HECTD3: variants seen among roughly 807,000 people sequenced by gnomAD.
HECTD3 encodes the protein HECT domain E3 ubiquitin protein ligase 3.
Under a neutral mutation model 109.3 loss-of-function variants are expected in HECTD3, and 72 were observed. The ratio of observed to expected loss-of-function variants is 0.66; its 90% CI spans 0.54 to 0.80. HECTD3 has a LOEUF of 0.80. HECTD3 is among the 30% of genes least tolerant of loss of function. The pLI is 0.00. For synonymous variants in HECTD3, 481 were observed against 471.8 expected, an observed-to-expected ratio of 1.02 and a Z score of -0.25; for missense variants, 1,041 against 1,165.2, an observed-to-expected ratio of 0.89 and a Z score of 1.55.
rs2148975477 is a variant in HECTD3, at chr1:45,003,452, A to G, written c.*40T>C. 6.3e-7 allele frequency: 1 copy of G among 1,577,354 alleles called. No homozygotes were observed. Among genetic ancestry groups the G allele is most frequent in the East Asian group, 2.2e-5 (1 of 44,668 alleles). On this transcript the variant is annotated 3_prime_UTR_variant, in exon 21 of 21. Coordinates refer to ENST00000372172, the MANE Select transcript of HECTD3 (RefSeq NM_024602.6). This position sits in a 1 kb window ranked among gnomAD's most constrained non-coding sequence, Gnocchi z 4.7. ...TTCGCCCTGGGCAAGGCCAAGAGGG[A>G]CACGTGCAGTCTTGCTGGTCCCACA...
chr1:45,007,108 G>T lies in HECTD3; in HGVS notation c.1557-93C>A. The T allele has an allele frequency of 5.1e-6, 8 of 1,554,310 alleles. No homozygotes were observed. In the South Asian group the frequency reaches 5.6e-5, roughly 11 times the overall value. ...ACCACCTGGGAAAAGCAGTCATGGC[G>T]AGGGGTGCCTCGAGCAGTTGTGTGT... On this transcript the variant is annotated intron_variant, in intron 11 of 20. Transcript: ENST00000372172.
chr1:45,010,374 C>T (rs1360622166), intron 2 of HECTD3, 81 bp from the exon 3 acceptor site: 1 of 1,484,800 alleles, frequency 6.7e-7, no homozygotes, highest in Non-Finnish European at 9.4e-7. Flanking sequence ...TAGCCTTCTT[C>T]AGGGCTCTAT....
Position 45,004,063 on chromosome 1 carries a change from T to C in HECTD3, c.2344A>G (p.Asn782Asp). The change falls in exon 18 of 21, where the codon AAC (asparagine) becomes GAC (aspartate). Residue 782 changes from asparagine to aspartate, a missense_variant. By Grantham distance (23) the Asn-to-Asp change is conservative (BLOSUM62 1). Coordinates refer to ENST00000372172, the MANE Select transcript of HECTD3 (RefSeq NM_024602.6). ...CACCCTGCCCTCCTCCACTGACCGT[T>C]GGTGAAGTTGTTCAGTGCCTCCCAG... ...YFWEALNNFTNEDRSRFLRFV... is the reference protein window; with the variant it reads ...YFWEALNNFTDEDRSRFLRFV... 1 of 1,613,996 alleles carries C rather than the reference T, an allele frequency of 6.2e-7. No homozygotes were observed. Among genetic ancestry groups the C allele is most frequent in the Non-Finnish European group, 8.5e-7 (1 of 1,179,986 alleles).
chr1:45,002,569 C>T lies in HECTD3; in HGVS notation c.*923G>A, dbSNP rs572991701. 6.6e-6 allele frequency: 1 copy of T among 152,370 alleles called. No homozygotes were observed. The highest frequency in any genetic ancestry group is 1.9e-4 in the East Asian group (1 of 5,194). The allele number at this position is 152,370 out of a possible 1,614,324, so 9.4% of individuals were successfully genotyped here. On this transcript the variant is annotated 3_prime_UTR_variant, in exon 21 of 21. Transcript: ENST00000372172. Reference sequence around the variant, plus strand: ...GGAATGAATTCATCCATTTATTCAACTTTCCGGTATGCAAGAACTTCTTTT... The same window carrying T: ...GGAATGAATTCATCCATTTATTCAATTTTCCGGTATGCAAGAACTTCTTTT...
Position 45,004,152 on chromosome 1 carries a change from A to T in HECTD3, c.2273-18T>A. ...AAACCGGGCTGGTGGAGACAAGGCC[A>T]GCATTCATTCTTGGGTCTCATCTTG... On this transcript the variant is annotated intron_variant, in intron 17 of 20. Coordinates refer to ENST00000372172, the MANE Select transcript of HECTD3 (RefSeq NM_024602.6). 1.2e-6 allele frequency: 2 copies of T among 1,614,200 alleles called. No individual in the cohort carries two copies. Among genetic ancestry groups the T allele is most frequent in the Non-Finnish European group, 1.7e-6 (2 of 1,180,028 alleles).
chr1:45,009,939 G>A lies in HECTD3; in HGVS notation c.759+47C>T, dbSNP rs748673414. The A allele has an allele frequency of 5.9e-6, 9 of 1,515,614 alleles. No homozygotes were observed. In the South Asian group the frequency reaches 8.0e-5, roughly 14 times the overall value. 93.9% of individuals were successfully genotyped at this position (1,515,614 alleles called of 1,614,324 possible). A position where few individuals can be genotyped will look rare whatever the true frequency, so the allele number is the denominator to read the frequency against. ...GGTTCTTTCTGGATCTAGCCTTGAG[G>A]GGTGTGACTATATCTTGCCTGGGGT... On this transcript the variant is annotated intron_variant, in intron 4 of 20. Coordinates refer to ENST00000372172, the MANE Select transcript of HECTD3 (RefSeq NM_024602.6).
chr1:45,004,496 A>G (rs777274326), intron 16 of HECTD3, 104 bp downstream of exon 16: 377 of 1,593,440 alleles, frequency 2.4e-4, no homozygotes, highest in Non-Finnish European at 3.1e-4. Context: ...GGTGGGGGCC[A>G]GAGTTCTTGG....
rs368241274 is a variant in HECTD3, at chr1:45,006,109, C to T, written c.1733G>A (p.Gly578Asp). ...ATACATGTCCCGAGCCTCACCAGTG[C>T]CATTGCCCTGCCCCAGAGACAGAGC... is the stretch of plus-strand genomic sequence containing the variant. ...FFVRTANQGN[G>D]TGEARDMYVP... The change falls in exon 14 of 21, where the codon GGC becomes GAC. Residue 578 changes from glycine to aspartate, a missense_variant. Coordinates refer to ENST00000372172, the MANE Select transcript of HECTD3 (RefSeq NM_024602.6). The surrounding 1 kb of genome is among the most constrained non-coding windows in gnomAD (Gnocchi z 4.7). 1.2e-6 allele frequency: 2 copies of T among 1,613,682 alleles called. No homozygotes were observed. Among genetic ancestry groups the T allele is most frequent in the South Asian group, 1.1e-5 (1 of 91,070 alleles).
In HECTD3 at chr1:45,006,332, G is replaced by C. The variant is rs1416508954; in HGVS notation, c.1726-216C>G. On this transcript the variant is annotated intron_variant, in intron 13 of 20. Coordinates refer to ENST00000372172, the MANE Select transcript of HECTD3 (RefSeq NM_024602.6). The surrounding 1 kb of genome is among the most constrained non-coding windows in gnomAD (Gnocchi z 4.7). ...TATTTTTTTTTTTTTTTGAGACAGA[G>C]TCTCACTGTGTCACCCAGGCTGGAG... 7.8e-6 allele frequency: 4 copies of C among 511,838 alleles called. No homozygotes were observed. The highest frequency in any genetic ancestry group is 7.0e-5 in the Admixed American group (2 of 28,598). The allele number at this position is 511,838 out of a possible 1,614,324, so 31.7% of individuals were successfully genotyped here. A position where few individuals can be genotyped will look rare whatever the true frequency, so the allele number is the denominator to read the frequency against.
chr1:45,005,969 G>T (rs750949409), intron 14 of HECTD3, 28 bp downstream of exon 14: 1 of 1,611,574 alleles, frequency 6.2e-7, no homozygotes, highest in Non-Finnish European at 8.5e-7. Flanking sequence ...AGGGCTGATC[G>T]GACGGGGGTG....
At position 45,003,717 on chromosome 1, in the gene HECTD3, G is replaced by A; in HGVS notation, c.2453C>T (p.Pro818Leu). The change falls in exon 20 of 21, where the codon CCC (proline) becomes CTC (leucine). Residue 818 changes from proline to leucine, a missense_variant. By Grantham distance (98) the Pro-to-Leu change is moderately conservative (BLOSUM62 -3). Coordinates refer to ENST00000372172, the MANE Select transcript of HECTD3 (RefSeq NM_024602.6). This position sits in a 1 kb window ranked among gnomAD's most constrained non-coding sequence, Gnocchi z 4.7. The part of the protein sequence containing the change: ...KLGYETTDAL[P>L]ESSTCSSTLF... ...GGTGCTGGAGCAAGTGGAAGACTCGGGCAGCGCGTCTGTGGTCTCGTAGCT... is the reference window on the plus strand; with the variant it reads ...GGTGCTGGAGCAAGTGGAAGACTCGAGCAGCGCGTCTGTGGTCTCGTAGCT... The A allele has an allele frequency of 1.2e-6, 2 of 1,614,082 alleles. No homozygotes were observed. The highest frequency in any genetic ancestry group is 1.7e-6 in the Non-Finnish European group (2 of 1,180,004).
chr1:45,004,442 C>A, intron 16 of HECTD3, 65 bp from the exon 17 acceptor site: 2 of 1,610,978 alleles, frequency 1.2e-6, no homozygotes, highest in Non-Finnish European at 1.7e-6. Context: ...CACTGGGGGG[C>A]ATCACTGTGG....
Position 45,011,318 on chromosome 1 carries a change from C to A in HECTD3, c.-61G>T. 7.4e-7 allele frequency: 1 copy of A among 1,350,002 alleles called. No individual in the cohort carries two copies. The allele number at this position is 1,350,002 out of a possible 1,614,324, so 83.6% of individuals were successfully genotyped here. A position where few individuals can be genotyped will look rare whatever the true frequency, so the allele number is the denominator to read the frequency against. On this transcript the variant is annotated 5_prime_UTR_variant, in exon 1 of 21. Transcript: ENST00000372172. ...CTGCCCGGGGAACAGCTGGCGCGAC[C>A]GCGGACAGAGCTTCCCACCACGCCC... is the stretch of plus-strand genomic sequence containing the variant.
rs1557728461 is a variant in HECTD3 at position 45,007,151 on chromosome 1, TG to T, written c.1556+67del. 0.012 allele frequency: 17,348 copies of T among 1,414,256 alleles called. 1,266 individuals are homozygous for T. The African/African-American group carries it at 0.21, about 17-fold the overall frequency. The allele number at this position is 1,414,256 out of a possible 1,614,324, so 87.6% of individuals were successfully genotyped here. A position where few individuals can be genotyped will look rare whatever the true frequency, so the allele number is the denominator to read the frequency against. The stretch of plus-strand genomic sequence containing the variant: ...TTGTGTGTGTGTGTGTGTGTGTGTG[TG>T]TGTGTTTGTGTGTGTTTGTGTGCAC... On this transcript the variant is annotated intron_variant, in intron 11 of 20. Coordinates refer to ENST00000372172, the MANE Select transcript of HECTD3 (RefSeq NM_024602.6).
chr1:45,003,441 G>A lies in HECTD3; in HGVS notation c.*51C>T, dbSNP rs767510163. 2 of 1,549,990 alleles carry A rather than the reference G, an allele frequency of 1.3e-6. No homozygotes were observed. The highest frequency in any genetic ancestry group is 2.2e-5 in the South Asian group (2 of 89,768). The stretch of plus-strand genomic sequence containing the variant: ...GGGAAGGTGTCTTCGCCCTGGGCAA[G>A]GCCAAGAGGGACACGTGCAGTCTTG... On this transcript the variant is annotated 3_prime_UTR_variant, in exon 21 of 21. Coordinates refer to ENST00000372172, the MANE Select transcript of HECTD3 (RefSeq NM_024602.6). The surrounding 1 kb of genome is among the most constrained non-coding windows in gnomAD (Gnocchi z 4.7).
intron 18 of HECTD3, 30 bp downstream of exon 18, chr1:45,004,030 C>A (rs757348452): frequency 2.5e-6 from 4 of 1,613,674 alleles, no homozygotes; most frequent in Admixed American, 3.3e-5. Context: ...GAGTCCAAAC[C>A]CAGGTGTCAC....
chr1:45,009,037 G>A (rs915368091), intron 7 of HECTD3, 107 bp downstream of exon 7: 5 of 924,756 alleles, frequency 5.4e-6, no homozygotes, highest in East Asian at 2.5e-5. Flanking sequence ...GTTCAGCATC[G>A]CCTTCACCCC....
In HECTD3 at chr1:45,011,050, C is replaced by T. The variant is rs1254538445; in HGVS notation, c.208G>A (p.Gly70Ser). ...RVLLPVWEAEGLGLRVGAAGP... is the reference protein window; with the variant it reads ...RVLLPVWEAESLGLRVGAAGP... ...GCGGCGCCCACACGCAGCCCCAGGC[C>T]CTCTGCCTCCCACACCGGCAGAAGC... Residue 70 changes from glycine (G) to serine (S), a missense_variant, in exon 1 of 21, where the codon GGC (glycine) becomes AGC (serine). Physicochemically the swap from Gly to Ser is moderately conservative, Grantham distance 56. This residue lies in a region of HECTD3 where 472 missense variants were observed against 449.9 expected (regional missense o/e 1.05). Transcript: ENST00000372172. 6.2e-6 allele frequency: 9 copies of T among 1,440,520 alleles called. No homozygotes were observed. In the African/African-American group the frequency reaches 1.0e-4, roughly 17 times the overall value. The allele number at this position is 1,440,520 out of a possible 1,614,324, so 89.2% of individuals were successfully genotyped here.
At position 45,006,633 on chromosome 1, in the gene HECTD3, C is replaced by A. The variant is rs368080046; in HGVS notation, c.1725+59G>T. 1 of 1,441,088 alleles carries A rather than the reference C, an allele frequency of 6.9e-7. No homozygotes were observed. The highest frequency in any genetic ancestry group is 1.8e-5 in the Admixed American group (1 of 54,946). The allele number at this position is 1,441,088 out of a possible 1,614,324, so 89.3% of individuals were successfully genotyped here. Reference sequence around the variant, plus strand: ...TAGCTCAATCTGGCCCCCTCCTCTGCCCCCTTTCTAGCTCAATCTGGCACC... The same window carrying A: ...TAGCTCAATCTGGCCCCCTCCTCTGACCCCTTTCTAGCTCAATCTGGCACC... On this transcript the variant is annotated intron_variant, in intron 13 of 20. Coordinates refer to ENST00000372172, the MANE Select transcript of HECTD3 (RefSeq NM_024602.6). The surrounding 1 kb of genome is among the most constrained non-coding windows in gnomAD (Gnocchi z 4.7).
Sources: allele counts gnomAD v4.1 joint callset, GRCh38; gene constraint gnomAD v4.1.1; regional missense constraint gnomAD v4.1.1; non-coding constraint Gnocchi (gnomAD v3.1); transcripts MANE v1.5; gene names NCBI Gene and HGNC (gene_info 2026-07-23, HGNC 2026-07-21).